RCAN2: variants seen among roughly 807,000 people sequenced by gnomAD.
RCAN2 encodes calcipressin-2.
Under a neutral mutation model 23.6 loss-of-function variants are expected in RCAN2, and 9 were observed. That is an observed-to-expected ratio of 0.38 (90% CI 0.23 to 0.67). The LOEUF (loss-of-function observed/expected upper bound fraction) is 0.67. RCAN2 is among the 30% of genes least tolerant of loss of function. RCAN2 has a pLI of 0.51. For synonymous variants in RCAN2, 109 were observed against 115.7 expected (o/e 0.94, Z 0.37); for missense variants, 273 against 302.3 (o/e 0.90, Z 0.72).
At chr6:46,224,739 C>A (rs1765590962) in intron 4 of RCAN2, among the ~76,000 whole-genome samples, 1 of 152,024 alleles carries the variant, frequency 6.6e-6, no homozygotes, top group African/African-American at 2.4e-5. Context: ...CTACTGTGCA[C>A]ATCTTGGTAA....
intron 2 of RCAN2, among the ~76,000 whole-genome samples, chr6:46,257,207 A>G (rs1304339570): frequency 1.3e-5 from 2 of 152,226 alleles, no homozygotes; most frequent in Non-Finnish European, 2.9e-5. Flanking sequence ...TTTGGTCAAT[A>G]TAAAAAAGTA....
At chr6:46,408,979 T>C (rs942722532) in intron 2 of RCAN2, among the ~76,000 whole-genome samples, 1 of 152,160 alleles carries the variant, frequency 6.6e-6, no homozygotes, top group Non-Finnish European at 1.5e-5. Context: ...ATAAATTTCA[T>C]AGAGACATAT....
intron 2 of RCAN2, among the ~76,000 whole-genome samples, chr6:46,345,037 T>A (rs1400668539): frequency 6.6e-6 from 1 of 151,928 alleles, no homozygotes; most frequent in Non-Finnish European, 1.5e-5. Context: ...ATATTTTAAA[T>A]CTAAAGACAC....
chr6:46,393,803 T>C (rs1321818467), intron 2 of RCAN2, among the ~76,000 whole-genome samples: 1 of 152,192 alleles, frequency 6.6e-6, no homozygotes, highest in African/African-American at 2.4e-5. Flanking sequence ...CTCCTCCACC[T>C]GAAGCTTGCT....
chr6:46,486,058 A>G (rs992376844), intron 1 of RCAN2, among the ~76,000 whole-genome samples: 2 of 152,188 alleles, frequency 1.3e-5, no homozygotes, highest in African/African-American at 4.8e-5. Context: ...TGTGACAATC[A>G]TCCTCAACAT....
At chr6:46,231,950 C>A (rs1021024832) in intron 4 of RCAN2, among the ~76,000 whole-genome samples, 2 of 152,164 alleles carry the variant, frequency 1.3e-5, no homozygotes, top group African/African-American at 4.8e-5. Flanking sequence ...CCAGCCACAG[C>A]CATTGAAGTA....
At chr6:46,480,139 T>C (rs1768816994) in intron 1 of RCAN2, among the ~76,000 whole-genome samples, 2 of 152,332 alleles carry the variant, frequency 1.3e-5, no homozygotes, top group South Asian at 2.1e-4. Flanking sequence ...TGGTGGGCTG[T>C]GGTGACAAAG....
chr6:46,429,874 T>C (rs1767140532), intron 2 of RCAN2, among the ~76,000 whole-genome samples: 1 of 152,144 alleles, frequency 6.6e-6, no homozygotes, highest in Non-Finnish European at 1.5e-5. Flanking sequence ...TGGCAGTGTA[T>C]ATGGCAGATA....
chr6:46,469,198 G>C (rs181011496), intron 1 of RCAN2, among the ~76,000 whole-genome samples: 30 of 152,304 alleles, frequency 2.0e-4, no homozygotes, highest in Admixed American at 1.4e-3. Flanking sequence ...GGGCTGGGCA[G>C]TTGTGGAAAT....
rs187071330 is a variant in RCAN2 at position 46,248,279 on chromosome 6, A to G, written c.399+444T>C. ...AATATGAATCATTGAAAAGTTATAC[A>G]TTCCACTAAAGCTGTCATATGATTT... On this transcript the variant is annotated intron_variant, in intron 3 of 4. Coordinates refer to ENST00000371374, the MANE Select transcript of RCAN2 (RefSeq NM_001251974.2). 3.0e-3 allele frequency among the ~76,000 whole-genome samples: 458 copies of G among 152,348 alleles called. 7 individuals are homozygous for G. Among genetic ancestry groups the G allele is most frequent in the Non-Finnish European group, 5.4e-4 (37 of 68,042 alleles).
chr6:46,437,661 T>C (rs1425586138), intron 2 of RCAN2, among the ~76,000 whole-genome samples: 2 of 152,190 alleles, frequency 1.3e-5, no homozygotes, highest in Non-Finnish European at 2.9e-5. Flanking sequence ...AGGCAGAATG[T>C]TTACAAGTAA....
Position 46,452,096 on chromosome 6 carries a change from C to T in RCAN2, c.225+4656G>A, listed in dbSNP as rs1420361304. ...TTAAATTTAAGCCTATTTTGTTTAC[C>T]ATTGAATCCCCAGAACCAAATATCA... On this transcript the variant is annotated intron_variant, in intron 2 of 4. Coordinates refer to ENST00000371374, the MANE Select transcript of RCAN2 (RefSeq NM_001251974.2). 2.6e-5 allele frequency among the ~76,000 whole-genome samples: 4 copies of T among 152,154 alleles called. No individual in the cohort carries two copies. In the East Asian group the frequency reaches 7.7e-4, roughly 29 times the overall value.
At chr6:46,344,169 G>A (rs889897339) in intron 2 of RCAN2, among the ~76,000 whole-genome samples, 1 of 152,128 alleles carries the variant, frequency 6.6e-6, no homozygotes, top group Non-Finnish European at 1.5e-5. Flanking sequence ...TAATCATTGA[G>A]TTATACACAT....
At position 46,246,918 on chromosome 6, in the gene RCAN2, A is replaced by G; in HGVS notation, c.401T>C (p.Val134Ala). Residue 134 changes from valine (V) to alanine (A), a missense_variant and splice_region_variant, in exon 4 of 5, where the codon GTT becomes GCT. By Grantham distance (64) the Val-to-Ala change is moderately conservative (BLOSUM62 0). Coordinates refer to ENST00000371374, the MANE Select transcript of RCAN2 (RefSeq NM_001251974.2). ...GKKLKLYFAQ[V>A]QTPETDGDKL... is the part of the protein sequence containing the mutation. ...GTCTCCATCTGTCTCTGGAGTCTGA[A>G]CCTTTCAAATAGAGTAGAGATGAAG... is the stretch of plus-strand genomic sequence containing the variant. 7 of 1,553,210 alleles carry G rather than the reference A, an allele frequency of 4.5e-6. No individual in the cohort carries two copies. The highest frequency in any genetic ancestry group is 6.1e-6 in the Non-Finnish European group (7 of 1,148,686).
At chr6:46,280,557 A>G (rs539441359) in intron 2 of RCAN2, among the ~76,000 whole-genome samples, 34 of 152,242 alleles carry the variant, frequency 2.2e-4, no homozygotes, top group African/African-American at 7.7e-4. Context: ...ACCTCCAGAT[A>G]CCCAATAACC....
chr6:46,301,814 G>T (rs919395919), intron 2 of RCAN2, among the ~76,000 whole-genome samples: 16 of 151,936 alleles, frequency 1.1e-4, no homozygotes, highest in Admixed American at 8.5e-4. Flanking sequence ...AGTGTGTCCC[G>T]AAGAATAACG....
intron 2 of RCAN2, among the ~76,000 whole-genome samples, chr6:46,444,047 T>C (rs1445697412): frequency 1.3e-5 from 2 of 152,228 alleles, no homozygotes; most frequent in Non-Finnish European, 2.9e-5. Flanking sequence ...TGTCAGGCCC[T>C]ATGCAAGTCA....
chr6:46,257,521 G>A (rs1008565267), intron 2 of RCAN2, among the ~76,000 whole-genome samples: 8 of 152,148 alleles, frequency 5.3e-5, no homozygotes, highest in East Asian at 1.9e-4. Context: ...AAGCAGGCAC[G>A]TCTTACATGG....
intron 1 of RCAN2, among the ~76,000 whole-genome samples, chr6:46,469,938 T>C (rs1768511308): frequency 1.3e-5 from 2 of 152,140 alleles, no homozygotes; most frequent in South Asian, 4.1e-4. Flanking sequence ...TAAGGCACCA[T>C]CTTGCAAGCA....
Sources: allele counts gnomAD v4.1 joint callset (sites outside exome capture counted in the v4.1 genomes callset), GRCh38; gene constraint gnomAD v4.1.1; transcripts MANE v1.5; gene names NCBI Gene and HGNC (gene_info 2026-07-23, HGNC 2026-07-21).